The following RTP2 variants were observed in gnomAD, a reference collection of about 807,000 sequenced individuals.
RTP2 encodes the protein receptor transporter protein 2, also known as receptor-transporting protein 2.
RTP2 carries 12 observed loss-of-function variants against 17.9 expected under a neutral mutation model. The observed-to-expected ratio is 0.67, with a 90% CI of 0.43 to 1.09. The LOEUF (loss-of-function observed/expected upper bound fraction) is 1.09, where lower values mean the gene tolerates loss of function less well. RTP2 is among the 50% of genes least tolerant of loss of function. The pLI, the probability that RTP2 is intolerant of heterozygous loss-of-function variation, is 0.00. For missense variants in RTP2, 327 were observed against 295.7 expected (o/e 1.11, Z -0.78); for synonymous variants, 126 against 117.7 (o/e 1.07, Z -0.46).
intron 1 of RTP2, among the ~76,000 whole-genome samples, chr3:187,700,707 A>C (rs1347646036): frequency 1.3e-5 from 2 of 152,214 alleles, no homozygotes; most frequent in Non-Finnish European, 2.9e-5. Flanking sequence ...AGGCGAGCTT[A>C]AGAAGCATCT....
chr3:187,698,315 C>A (rs1717738926), exon 2 of RTP2: 1 of 595,688 alleles, frequency 1.7e-6, no homozygotes, highest in East Asian at 2.8e-5. Flanking sequence ...ATTGTCACAT[C>A]CAGTGAAAGA....
At chr3:187,710,493 T>C in the RTP2 span, among the ~76,000 whole-genome samples, 7 of 148,656 alleles carry the variant, frequency 4.7e-5, no homozygotes, top group African/African-American at 1.8e-4. Flanking sequence ...CTGGGAACCA[T>C]ATGATATGTA....
chr3:187,699,263 G>A (rs1194127803), intron 1 of RTP2, among the ~76,000 whole-genome samples: 1 of 152,144 alleles, frequency 6.6e-6, no homozygotes, highest in Admixed American at 6.5e-5. Flanking sequence ...GCTCTAGAGC[G>A]TGCCTCCTGC....
chr3:187,707,293 A>G (rs1202774963), upstream of RTP2, among the ~76,000 whole-genome samples: 1 of 152,210 alleles, frequency 6.6e-6, no homozygotes, highest in Admixed American at 6.5e-5. Flanking sequence ...TAGACCCCAC[A>G]TTTGGATAGG....
Position 187,701,952 on chromosome 3 carries a change from C to A in RTP2, c.164+13G>T, listed in dbSNP as rs1218169585. On this transcript the variant is annotated intron_variant, in intron 1 of 1. Coordinates refer to ENST00000358241, the Ensembl canonical transcript of RTP2. ...GGGCTGTCTGCAAGGTCCCTCCCCA[C>A]TGAACCTCTCACCTGCCTGAGGCGT... The A allele has an allele frequency of 1.3e-6, 2 of 1,576,090 alleles. No homozygotes were observed. The highest frequency in any genetic ancestry group is 1.7e-6 in the Non-Finnish European group (2 of 1,158,588).
upstream of RTP2, among the ~76,000 whole-genome samples, chr3:187,705,908 T>C (rs1488439317): frequency 6.6e-6 from 1 of 152,208 alleles, no homozygotes; most frequent in Non-Finnish European, 1.5e-5. Flanking sequence ...GATAAAATTG[T>C]TCAAGTGCAT....
At chr3:187,698,703 C>T in exon 2 of RTP2, 3 of 1,614,076 alleles carry the variant, frequency 1.9e-6, no homozygotes, top group Non-Finnish European at 2.5e-6. Context: ...GCCCTCCTGG[C>T]AGGCCTCACA....
chr3:187,698,889 C>T (rs1717765887), exon 2 of RTP2: 1 of 1,611,954 alleles, frequency 6.2e-7, no homozygotes, highest in Non-Finnish European at 8.5e-7. Context: ...GCACTCATAG[C>T]ACAGCTGCTT....
chr3:187,700,646 A>G (rs559929273), intron 1 of RTP2, among the ~76,000 whole-genome samples: 1 of 152,342 alleles, frequency 6.6e-6, no homozygotes, highest in African/African-American at 2.4e-5. Flanking sequence ...TGCTTCACCT[A>G]CATCAAGTTA....
upstream of RTP2, among the ~76,000 whole-genome samples, chr3:187,704,740 A>C (rs1023669321): frequency 6.6e-6 from 1 of 152,004 alleles, no homozygotes; most frequent in African/African-American, 2.4e-5. Context: ...TTTTCAAGAG[A>C]TATTAGGAAG....
intron 1 of RTP2, among the ~76,000 whole-genome samples, chr3:187,701,570 T>C (rs1717847962): frequency 6.6e-6 from 1 of 152,210 alleles, no homozygotes; most frequent in Non-Finnish European, 1.5e-5. Flanking sequence ...TCACTAAACA[T>C]ATCTAGGAAC....
chr3:187,701,665 C>A (rs1717850585), intron 1 of RTP2, among the ~76,000 whole-genome samples: 1 of 152,166 alleles, frequency 6.6e-6, no homozygotes, highest in Non-Finnish European at 1.5e-5. Context: ...TCCTTCAGTT[C>A]CAACTCACTC....
the RTP2 span, among the ~76,000 whole-genome samples, chr3:187,707,833 G>A: frequency 1.3e-4 from 20 of 152,152 alleles, no homozygotes; most frequent in Admixed American, 4.6e-4. Flanking sequence ...CACACTTGCC[G>A]TGAATTCTAA....
the RTP2 span, among the ~76,000 whole-genome samples, chr3:187,712,965 A>G: frequency 6.6e-6 from 1 of 152,190 alleles, no homozygotes; most frequent in South Asian, 2.1e-4. Flanking sequence ...CTGGTCTTCA[A>G]TCAAGGCGAA....
At chr3:187,711,096 T>C in the RTP2 span, among the ~76,000 whole-genome samples, 1 of 152,210 alleles carries the variant, frequency 6.6e-6, no homozygotes, top group Non-Finnish European at 1.5e-5. Flanking sequence ...CATCTCTGTC[T>C]TGGTTTCAGT....
the RTP2 span, among the ~76,000 whole-genome samples, chr3:187,711,139 C>T: frequency 1.3e-5 from 2 of 152,126 alleles, no homozygotes; most frequent in African/African-American, 2.4e-5. Flanking sequence ...AAAGAGTCTT[C>T]CAGCTTTGTT....
the RTP2 span, among the ~76,000 whole-genome samples, chr3:187,713,809 A>G: frequency 6.6e-6 from 1 of 152,202 alleles, no homozygotes; most frequent in Admixed American, 6.5e-5. Context: ...CAAAGGGAGT[A>G]GCCTCGGATC....
chr3:187,702,226 T>A (rs1410469395), exon 1 of RTP2: 2 of 1,252,066 alleles, frequency 1.6e-6, no homozygotes, highest in African/African-American at 3.0e-5. Context: ...ACGGTCAGAA[T>A]CCTCATCGGC....
chr3:187,707,132 G>A (rs1718012468), upstream of RTP2, among the ~76,000 whole-genome samples: 1 of 152,230 alleles, frequency 6.6e-6, no homozygotes, highest in Non-Finnish European at 1.5e-5. Flanking sequence ...GCCTTTCTAT[G>A]GAGCCTGGGC....
Sources: allele counts gnomAD v4.1 joint callset (sites outside exome capture counted in the v4.1 genomes callset), GRCh38; gene constraint gnomAD v4.1.1; transcripts MANE v1.5; gene names NCBI Gene and HGNC (gene_info 2026-07-23, HGNC 2026-07-21).